Variants in TMEM163 observed in about 807,000 individuals in gnomAD.
TMEM163 encodes the protein transmembrane protein 163.
In TMEM163, 17 loss-of-function variants were observed where a neutral mutation model predicts 29.3. The ratio of observed to expected loss-of-function variants is 0.58; its 90% CI spans 0.40 to 0.87. The LOEUF (loss-of-function observed/expected upper bound fraction) is 0.87, where lower values mean the gene tolerates loss of function less well. Among genes scored for constraint, TMEM163 ranks in the 40% least tolerant of loss-of-function variants. The pLI is 0.00. For missense variants in TMEM163, 303 were observed against 381.5 expected (o/e 0.79, Z 1.71); for synonymous variants, 157 against 160.6 (o/e 0.98, Z 0.17).
chr2:134,714,973 T>C (rs751370177), intron 1 of TMEM163, among the ~76,000 whole-genome samples: 2 of 152,156 alleles, frequency 1.3e-5, no homozygotes, highest in Non-Finnish European at 2.9e-5. Context: ...CCTTAATAAT[T>C]TATGTCCCTT....
At chr2:134,591,051 G>A (rs1428035653) in intron 2 of TMEM163, among the ~76,000 whole-genome samples, 1 of 152,150 alleles carries the variant, frequency 6.6e-6, no homozygotes, top group Non-Finnish European at 1.5e-5. Context: ...CAAGCTAAGG[G>A]CCTACATGTA....
chr2:134,669,631 T>A (rs1049913529), intron 2 of TMEM163, among the ~76,000 whole-genome samples: 1 of 152,204 alleles, frequency 6.6e-6, no homozygotes, highest in Non-Finnish European at 1.5e-5. Flanking sequence ...TGGTTTCCCT[T>A]CCCTTGAACC....
chr2:134,599,675 C>A (rs550840006), intron 2 of TMEM163, among the ~76,000 whole-genome samples: 22 of 150,512 alleles, frequency 1.5e-4, no homozygotes, highest in Non-Finnish European at 2.9e-4. Flanking sequence ...CTGAAGATAG[C>A]TATGTTCCCA....
chr2:134,676,067 G>A (rs1262165177), intron 2 of TMEM163, among the ~76,000 whole-genome samples: 3 of 152,074 alleles, frequency 2.0e-5, no homozygotes, highest in Non-Finnish European at 4.4e-5. Context: ...TGCGACATAA[G>A]GTACAACAGA....
At chr2:134,538,575 G>T (rs1303336497) in intron 4 of TMEM163, among the ~76,000 whole-genome samples, 1 of 152,216 alleles carries the variant, frequency 6.6e-6, no homozygotes, top group African/African-American at 2.4e-5. Flanking sequence ...ATCAACCGAT[G>T]AATGGATCAC....
intron 2 of TMEM163, among the ~76,000 whole-genome samples, chr2:134,577,648 G>A (rs1184172213): frequency 6.6e-6 from 1 of 152,082 alleles, no homozygotes; most frequent in African/African-American, 2.4e-5. Flanking sequence ...GTCTCCGCAG[G>A]TGTTCCCAGG....
At chr2:134,507,259 C>T (rs2106489108) in intron 4 of TMEM163, among the ~76,000 whole-genome samples, 1 of 152,028 alleles carries the variant, frequency 6.6e-6, no homozygotes, top group African/African-American at 2.4e-5. Flanking sequence ...TCGCTTGAAC[C>T]TGGGAGGAGG....
At chr2:134,560,356 G>C (rs1681140396) in intron 2 of TMEM163, among the ~76,000 whole-genome samples, 2 of 152,192 alleles carry the variant, frequency 1.3e-5, no homozygotes, top group Non-Finnish European at 1.5e-5. Context: ...GCCAAGATCA[G>C]TGCCTAAACA....
rs548462986 is a variant in TMEM163, at chr2:134,592,158, A to C, written c.323-40067T>G. Among the ~76,000 whole-genome samples, 4 of 152,358 alleles carry C rather than the reference A, an allele frequency of 2.6e-5. No homozygotes were observed. The East Asian group carries it at 7.7e-4, about 29-fold the overall frequency. ...TGAAGACTTGAAGTCAGTAAAAATT[A>C]AAACTTGAGTTAAGATAAGTGGGGA... On this transcript the variant is annotated intron_variant, in intron 2 of 7. Coordinates refer to ENST00000281924, the MANE Select transcript of TMEM163 (RefSeq NM_030923.5).
rs372012619 is a variant in TMEM163 at position 134,524,718 on chromosome 2, C to T, written c.459-21721G>A. 8.1e-3 allele frequency among the ~76,000 whole-genome samples: 1,225 copies of T among 150,366 alleles called. 68 individuals carry two copies. Among genetic ancestry groups the T allele is most frequent in the Middle Eastern group, 0.033 (9 of 274 alleles). On this transcript the variant is annotated intron_variant, in intron 4 of 7. Transcript: ENST00000281924. ...ATGATCTCATTCCTTTTTATGGCTG[C>T]GTAGTATTCCATGGTATATATGTAC...
intron 5 of TMEM163, among the ~76,000 whole-genome samples, chr2:134,471,678 G>C (rs1686805368): frequency 6.6e-6 from 1 of 152,190 alleles, no homozygotes; most frequent in African/African-American, 2.4e-5. Context: ...CATGGCTGAT[G>C]ATGAGAAACC....
chr2:134,622,385 A>G (rs1350479432), intron 2 of TMEM163, among the ~76,000 whole-genome samples: 1 of 152,230 alleles, frequency 6.6e-6, no homozygotes, highest in Non-Finnish European at 1.5e-5. Flanking sequence ...ACTTCTGTAC[A>G]GGAAGAATGC....
intron 6 of TMEM163, among the ~76,000 whole-genome samples, chr2:134,461,844 T>C (rs1158717830): frequency 6.6e-6 from 1 of 152,208 alleles, no homozygotes; most frequent in Non-Finnish European, 1.5e-5. Context: ...AAGGGGATGC[T>C]TGGCTCTGCC....
Position 134,534,754 on chromosome 2 carries a change from A to AAAAAT in TMEM163, c.458+15811_458+15815dup, listed in dbSNP as rs559265186. 7.3e-3 allele frequency among the ~76,000 whole-genome samples: 1,114 copies of AAAAAT among 152,168 alleles called. 13 individuals carry two copies. The highest frequency in any genetic ancestry group is 0.025 in the African/African-American group (1,023 of 41,438). ...GGGCGACACAGTGAGACTCCATCTC[A>AAAAAT]AAAATAAAATAAAATAAAATAAAAT... is the stretch of plus-strand genomic sequence containing the variant. On this transcript the variant is annotated intron_variant, in intron 4 of 7. Coordinates refer to ENST00000281924, the MANE Select transcript of TMEM163 (RefSeq NM_030923.5).
chr2:134,543,720 G>A (rs1313645418), intron 4 of TMEM163, among the ~76,000 whole-genome samples: 1 of 152,206 alleles, frequency 6.6e-6, no homozygotes, highest in Non-Finnish European at 1.5e-5. Flanking sequence ...CCTGTTGACT[G>A]GTGGTTTTCA....
intron 2 of TMEM163, among the ~76,000 whole-genome samples, chr2:134,633,116 A>G (rs559160079): frequency 3.3e-5 from 5 of 152,164 alleles, no homozygotes; most frequent in Non-Finnish European, 7.4e-5. Flanking sequence ...TGAATTTTGG[A>G]GGGATACATT....
At chr2:134,502,595 C>T (rs1040307027) in intron 5 of TMEM163, among the ~76,000 whole-genome samples, 2 of 152,198 alleles carry the variant, frequency 1.3e-5, no homozygotes, top group Non-Finnish European at 2.9e-5. Context: ...TTGGATCACT[C>T]TGCTTCACAA....
At chr2:134,516,120 C>T (rs951959180) in intron 4 of TMEM163, among the ~76,000 whole-genome samples, 5 of 152,132 alleles carry the variant, frequency 3.3e-5, no homozygotes, top group African/African-American at 1.2e-4. Context: ...CTGTTCATAG[C>T]TTCTTCTCCA....
At chr2:134,660,901 A>G (rs940663999) in intron 2 of TMEM163, among the ~76,000 whole-genome samples, 2 of 152,142 alleles carry the variant, frequency 1.3e-5, no homozygotes, top group South Asian at 2.1e-4. Flanking sequence ...TCACTTTGCT[A>G]TGGTTTGAAT....
Sources: gnomAD v4.1 joint callset for allele counts (sites outside exome capture counted in the v4.1 genomes callset) on GRCh38, gnomAD v4.1.1 for gene constraint, MANE v1.5 for transcripts, NCBI Gene and HGNC (gene_info 2026-07-23, HGNC 2026-07-21) for gene names.